The following SLCO3A1 variants were observed in gnomAD, a reference collection of about 807,000 sequenced individuals.
SLCO3A1 encodes PGE1 transporter.
A neutral mutation model predicts 63.1 loss-of-function variants in SLCO3A1; 27 were observed. That is an observed-to-expected ratio of 0.43 (90% confidence interval 0.32 to 0.59). The LOEUF (loss-of-function observed/expected upper bound fraction) is 0.59, where lower values mean the gene tolerates loss of function less well. Among genes scored for constraint, SLCO3A1 ranks in the 20% least tolerant of loss-of-function variants. The pLI is 0.09. For missense variants in SLCO3A1, 773 were observed against 945.8 expected (o/e 0.82, Z 2.40); for synonymous variants, 473 against 409.9 (o/e 1.15, Z -1.86).
At position 91,860,172 on chromosome 15, in the gene SLCO3A1, G is replaced by T. The variant is rs1897014064; in HGVS notation, c.180+6084G>T. 6.6e-6 allele frequency among the ~76,000 whole-genome samples: 1 copy of T among 152,196 alleles called. No homozygotes were observed. The highest frequency in any genetic ancestry group is 2.1e-4 in the South Asian group (1 of 4,832). On this transcript the variant is annotated intron_variant, in intron 1 of 9. Coordinates refer to ENST00000318445, the MANE Select transcript of SLCO3A1 (RefSeq NM_013272.4). The surrounding 1 kb of genome is among the most constrained non-coding windows in gnomAD (Gnocchi z 5.5). ...AGGCAGGACTGGCTGGGCGGGGCAGGTACCCTGATGCTTCACTTTGGGAGG... is the reference window on the plus strand; with the variant it reads ...AGGCAGGACTGGCTGGGCGGGGCAGTTACCCTGATGCTTCACTTTGGGAGG...
At chr15:92,171,995 G>T (rs1298771294) in exon 11 of SLCO3A1, 1 of 684,628 alleles carries the variant, frequency 1.5e-6, no homozygotes, top group East Asian at 2.7e-5. Context: ...CCAGTGTGTG[G>T]TCCTTTGAGG....
chr15:92,064,208 G>A (rs545581516), intron 2 of SLCO3A1, among the ~76,000 whole-genome samples: 32 of 152,232 alleles, frequency 2.1e-4, no homozygotes, highest in Non-Finnish European at 3.7e-4. Flanking sequence ...TCCCCTTCTC[G>A]CCTGCTGAAC....
rs565765454 is a variant in SLCO3A1, at chr15:91,913,339, G to C, written c.181-2654G>C. On this transcript the variant is annotated intron_variant, in intron 1 of 9. Coordinates refer to ENST00000318445, the MANE Select transcript of SLCO3A1 (RefSeq NM_013272.4). Reference sequence around the variant, plus strand: ...CTGAAAGAGAGACCCCCAATAATGGGTGTCATGGCCTTAGCCCCGCGCTGC... The same window carrying C: ...CTGAAAGAGAGACCCCCAATAATGGCTGTCATGGCCTTAGCCCCGCGCTGC... Among the ~76,000 whole-genome samples the C allele has an allele frequency of 2.0e-5, 3 of 152,370 alleles. No homozygotes were observed. In the South Asian group the frequency reaches 6.2e-4, roughly 32 times the overall value.
chr15:91,975,567 T>C (rs1001217340), intron 2 of SLCO3A1, among the ~76,000 whole-genome samples: 3 of 152,216 alleles, frequency 2.0e-5, no homozygotes, highest in African/African-American at 7.2e-5. Flanking sequence ...AGGAGCTTGT[T>C]GATGATCACT....
intron 2 of SLCO3A1, among the ~76,000 whole-genome samples, chr15:91,935,014 C>T (rs1465464115): frequency 2.0e-5 from 3 of 152,116 alleles, no homozygotes; most frequent in South Asian, 2.1e-4. Context: ...AGTGCAGTGG[C>T]GCCATCTTGG....
chr15:92,133,899 G>A (rs2048025537), intron 7 of SLCO3A1, among the ~76,000 whole-genome samples: 1 of 152,166 alleles, frequency 6.6e-6, no homozygotes, highest in South Asian at 2.1e-4. Flanking sequence ...CACGAAACTG[G>A]TCCTTGGTAC....
At chr15:92,047,531 A>G (rs1326023591) in intron 2 of SLCO3A1, among the ~76,000 whole-genome samples, 3 of 28,182 alleles carry the variant, frequency 1.1e-4, no homozygotes, top group African/African-American at 5.0e-4. Flanking sequence ...AAATAAATAT[A>G]TAAATATATA....
intron 9 of SLCO3A1, among the ~76,000 whole-genome samples, chr15:92,152,829 C>G (rs181726807): frequency 4.1e-4 from 63 of 152,340 alleles, no homozygotes; most frequent in African/African-American, 1.4e-3. Flanking sequence ...TCTGCCATTA[C>G]GAGTCCTCTG....
chr15:91,881,019 G>A lies in SLCO3A1; in HGVS notation c.180+26931G>A, dbSNP rs372226202. ...GGCGATATGTCTCCTTTCAAAATGG[G>A]GCTCAGGATGGGGCTTGGGTGGAGG... On this transcript the variant is annotated intron_variant, in intron 1 of 9. Coordinates refer to ENST00000318445, the MANE Select transcript of SLCO3A1 (RefSeq NM_013272.4). 4.7e-4 allele frequency among the ~76,000 whole-genome samples: 71 copies of A among 152,274 alleles called. 1 individual carries two copies. In the South Asian group the frequency reaches 0.014, roughly 29 times the overall value.
chr15:92,152,588 T>C (rs1476579714), intron 9 of SLCO3A1, among the ~76,000 whole-genome samples: 1 of 152,256 alleles, frequency 6.6e-6, no homozygotes, highest in Non-Finnish European at 1.5e-5. Flanking sequence ...ATGATCGTGC[T>C]GATTTTTTCC....
At chr15:91,866,473 G>A (rs1240804802) in intron 1 of SLCO3A1, among the ~76,000 whole-genome samples, 1 of 151,414 alleles carries the variant, frequency 6.6e-6, no homozygotes, top group Non-Finnish European at 1.5e-5. Flanking sequence ...TATTAAGTTA[G>A]CACCAGACAT....
chr15:92,172,070 C>T, exon 11 of SLCO3A1: 1 of 529,084 alleles, frequency 1.9e-6, no homozygotes, highest in Non-Finnish European at 3.4e-6. Context: ...CTCCAAACAG[C>T]TCTCAGAGTA....
chr15:92,159,583 T>TTTTTTG (rs2048412322), intron 9 of SLCO3A1, among the ~76,000 whole-genome samples: 1 of 150,728 alleles, frequency 6.6e-6, no homozygotes, highest in Non-Finnish European at 1.5e-5. Flanking sequence ...TTTTTTTTTT[T>TTTTTTG]GGAGATAGGA....
chr15:92,037,999 T>G (rs566935668), intron 2 of SLCO3A1, among the ~76,000 whole-genome samples: 31 of 152,298 alleles, frequency 2.0e-4, no homozygotes, highest in African/African-American at 5.5e-4. Flanking sequence ...TAGTGAGACC[T>G]AAATGCCTCC....
At chr15:92,014,217 G>A (rs1457485160) in intron 2 of SLCO3A1, among the ~76,000 whole-genome samples, 1 of 152,158 alleles carries the variant, frequency 6.6e-6, no homozygotes, top group Non-Finnish European at 1.5e-5. Context: ...AGCCTGATGG[G>A]CGTCTCACCT....
intron 2 of SLCO3A1, among the ~76,000 whole-genome samples, chr15:92,032,854 A>G (rs751249816): frequency 1.3e-5 from 2 of 149,840 alleles, no homozygotes; most frequent in Non-Finnish European, 2.9e-5. Context: ...CAGAGAAGAG[A>G]TAACAATTAC....
chr15:91,887,090 A>G (rs1215707905), intron 1 of SLCO3A1, among the ~76,000 whole-genome samples: 4 of 152,322 alleles, frequency 2.6e-5, no homozygotes, highest in African/African-American at 7.2e-5. Flanking sequence ...TGTGAATGCC[A>G]GGTGTCATTA....
intron 2 of SLCO3A1, among the ~76,000 whole-genome samples, chr15:92,044,229 C>A (rs2046832936): frequency 6.6e-6 from 1 of 152,078 alleles, no homozygotes; most frequent in Non-Finnish European, 1.5e-5. Flanking sequence ...TCTCAGTGCC[C>A]ACAACTTTAT....
At chr15:91,915,600 C>T (rs1898627824) in intron 1 of SLCO3A1, among the ~76,000 whole-genome samples, 1 of 152,032 alleles carries the variant, frequency 6.6e-6, no homozygotes, top group Non-Finnish European at 1.5e-5. Flanking sequence ...GGACTTTATC[C>T]CTAGTATATA....
Sources: gnomAD v4.1 joint callset for allele counts (sites outside exome capture counted in the v4.1 genomes callset) on GRCh38, gnomAD v4.1.1 for gene constraint, Gnocchi (gnomAD v3.1) non-coding constraint, MANE v1.5 for transcripts, NCBI Gene and HGNC (gene_info 2026-07-23, HGNC 2026-07-21) for gene names.